The following ZBTB7C variants were observed in gnomAD, a reference collection of about 807,000 sequenced individuals.
ZBTB7C encodes the protein zinc finger and BTB domain-containing protein 7C.
In ZBTB7C, 8 loss-of-function variants were observed where a neutral mutation model predicts 25.7. The ratio of observed to expected loss-of-function variants is 0.31; its 90% CI spans 0.18 to 0.56. The LOEUF (loss-of-function observed/expected upper bound fraction) is 0.56. Ranked by LOEUF, ZBTB7C falls within the 20% of genes least tolerant of loss-of-function variation. The pLI, the probability that ZBTB7C is intolerant of heterozygous loss-of-function variation, is 0.91. For missense variants in ZBTB7C, 824 were observed against 855.2 expected (o/e 0.96, Z 0.46); for synonymous variants, 394 against 369.0 (o/e 1.07, Z -0.78).
At chr18:48,302,468 A>G (rs985004225) in intron 2 of ZBTB7C, among the ~76,000 whole-genome samples, 6 of 152,184 alleles carry the variant, frequency 3.9e-5, no homozygotes, top group African/African-American at 1.2e-4. Context: ...CATGCCCACA[A>G]GGCCTCATTT....
At chr18:48,178,801 C>A (rs1428423651) in intron 3 of ZBTB7C, among the ~76,000 whole-genome samples, 2 of 152,282 alleles carry the variant, frequency 1.3e-5, no homozygotes, top group South Asian at 4.1e-4. Context: ...GACAGAAAAA[C>A]CCTGGCCTGC....
chr18:48,226,184 C>T lies in ZBTB7C; in HGVS notation c.-78-40189G>A, dbSNP rs553190037. Among the ~76,000 whole-genome samples, 6 of 152,348 alleles carry T rather than the reference C, an allele frequency of 3.9e-5. No homozygotes were observed. The South Asian group carries it at 1.0e-3, about 26-fold the overall frequency. On this transcript the variant is annotated intron_variant, in intron 2 of 4. Transcript: ENST00000590800. ...CCAAGCTGCTGACCAAAATAGTAAA[C>T]ACATAAATGGTTACTGTTTTAGGCC...
At chr18:48,072,806 G>A (rs937431959) in intron 3 of ZBTB7C, among the ~76,000 whole-genome samples, 4 of 152,202 alleles carry the variant, frequency 2.6e-5, no homozygotes, top group African/African-American at 9.6e-5. Flanking sequence ...CGGCACTGCT[G>A]GGGAGAAGGC....
intron 3 of ZBTB7C, among the ~76,000 whole-genome samples, chr18:48,134,990 TC>T (rs1281988538): frequency 6.6e-6 from 1 of 152,052 alleles, no homozygotes; most frequent in African/African-American, 2.4e-5. Context: ...CATTCTAACT[TC>T]CCCGCTCTTT....
chr18:48,133,967 A>AG (rs2040067433), intron 3 of ZBTB7C, among the ~76,000 whole-genome samples: 1 of 152,182 alleles, frequency 6.6e-6, no homozygotes, highest in East Asian at 1.9e-4. Flanking sequence ...ACACTGGGAT[A>AG]GCCAGCTGGG....
chr18:48,051,140 C>T (rs1479677317), intron 3 of ZBTB7C, among the ~76,000 whole-genome samples: 1 of 152,180 alleles, frequency 6.6e-6, no homozygotes, highest in Non-Finnish European at 1.5e-5. Flanking sequence ...CTCCTCTACA[C>T]CAGCATTGGT....
intron 2 of ZBTB7C, among the ~76,000 whole-genome samples, chr18:48,229,389 T>TA (rs35157952): frequency 2.0e-5 from 3 of 152,032 alleles, no homozygotes; most frequent in Admixed American, 2.0e-4. Flanking sequence ...AAGTGCCCTT[T>TA]AAAAAAAATG....
intron 4 of ZBTB7C, among the ~76,000 whole-genome samples, chr18:48,030,224 A>G (rs2035685221): frequency 6.6e-6 from 1 of 152,238 alleles, no homozygotes; most frequent in Non-Finnish European, 1.5e-5. Context: ...CTGGGAAGAT[A>G]CTTCGCCAGA....
chr18:48,347,707 C>T lies in ZBTB7C; in HGVS notation c.-303-9309G>A, dbSNP rs140950257. On this transcript the variant is annotated intron_variant, in intron 1 of 4. Transcript: ENST00000590800. The stretch of plus-strand genomic sequence containing the variant: ...TCCACTGGAACATCTGAACTCCCTG[C>T]TCAGGGATGGAACCAGCAAAGAGCC... 4.6e-3 allele frequency among the ~76,000 whole-genome samples: 694 copies of T among 152,332 alleles called. 4 individuals carry two copies. The highest frequency in any genetic ancestry group is 0.016 in the African/African-American group (645 of 41,560).
intron 2 of ZBTB7C, among the ~76,000 whole-genome samples, chr18:48,217,747 A>G (rs571601865): frequency 9.2e-5 from 14 of 152,138 alleles, no homozygotes; most frequent in African/African-American, 3.4e-4. Context: ...GCCGTGTCTC[A>G]TATCTTAAGG....
chr18:48,168,843 T>C (rs2041362657), intron 3 of ZBTB7C, among the ~76,000 whole-genome samples: 1 of 152,242 alleles, frequency 6.6e-6, no homozygotes, highest in African/African-American at 2.4e-5. Context: ...CCTATCCCCC[T>C]TCTCAGAGCA....
intron 1 of ZBTB7C, among the ~76,000 whole-genome samples, chr18:48,359,342 T>A (rs1193712202): frequency 1.3e-5 from 2 of 148,524 alleles, no homozygotes; most frequent in African/African-American, 4.9e-5. Flanking sequence ...GAGGAAACTA[T>A]GAAGATGATC....
At chr18:48,211,912 A>C (rs2145250316) in intron 2 of ZBTB7C, among the ~76,000 whole-genome samples, 1 of 152,340 alleles carries the variant, frequency 6.6e-6, no homozygotes, top group Admixed American at 6.5e-5. Flanking sequence ...AGCTTTATTC[A>C]TAATCATCAA....
intron 1 of ZBTB7C, among the ~76,000 whole-genome samples, chr18:48,364,718 G>A (rs1483470764): frequency 6.6e-6 from 1 of 152,160 alleles, no homozygotes; most frequent in South Asian, 2.1e-4. Context: ...CTATCCCCTA[G>A]CTTTCCTATT....
At chr18:48,356,209 G>C (rs2046974390) in intron 1 of ZBTB7C, among the ~76,000 whole-genome samples, 1 of 152,136 alleles carries the variant, frequency 6.6e-6, no homozygotes, top group Admixed American at 6.5e-5. Context: ...TTGTCGGACT[G>C]TTACAGAGAC....
chr18:48,402,594 T>C (rs1166538550), intron 1 of ZBTB7C, among the ~76,000 whole-genome samples: 2 of 152,222 alleles, frequency 1.3e-5, no homozygotes. Context: ...GACATTTTCT[T>C]CTAAGTGTCA....
At chr18:48,063,379 G>A (rs894478387) in intron 3 of ZBTB7C, among the ~76,000 whole-genome samples, 2 of 152,224 alleles carry the variant, frequency 1.3e-5, no homozygotes, top group African/African-American at 4.8e-5. Flanking sequence ...GCTGTCACCA[G>A]GGATTGCTTA....
intron 2 of ZBTB7C, chr18:48,203,318 G>A (rs1213814284): frequency 6.6e-6 from 1 of 152,378 alleles, no homozygotes; most frequent in East Asian, 1.9e-4. Flanking sequence ...TGCAGGAGAT[G>A]TGGGAGGTGG....
intron 2 of ZBTB7C, among the ~76,000 whole-genome samples, chr18:48,228,553 C>T (rs1298712859): frequency 2.6e-5 from 4 of 152,072 alleles, no homozygotes; most frequent in African/African-American, 9.7e-5. Context: ...CACCCACCAG[C>T]CTGAGAGTGG....
Sources: allele counts gnomAD v4.1 joint callset (sites outside exome capture counted in the v4.1 genomes callset), GRCh38; gene constraint gnomAD v4.1.1; transcripts MANE v1.5; gene names NCBI Gene and HGNC (gene_info 2026-07-23, HGNC 2026-07-21).